ADRA1A: variants seen among roughly 807,000 people sequenced by gnomAD.
The protein encoded by ADRA1A is alpha-1A adrenergic receptor.
ADRA1A carries 31 observed loss-of-function variants against 29.6 expected under a neutral mutation model. The ratio of observed to expected loss-of-function variants is 1.05; its 90% CI spans 0.79 to 1.41. ADRA1A has a LOEUF of 1.41. ADRA1A is among the 40% of genes most tolerant of loss of function. The pLI is 0.00. For synonymous variants in ADRA1A, 311 were observed against 254.3 expected (o/e 1.22, Z -2.12); for missense variants, 619 against 601.1 (o/e 1.03, Z -0.31).
chr8:26,830,902 G>C (rs1187660521), intron 2 of ADRA1A, among the ~76,000 whole-genome samples: 1 of 152,168 alleles, frequency 6.6e-6, no homozygotes, highest in Non-Finnish European at 1.5e-5. Context: ...GGGCGGGAGG[G>C]AGTCTTTCTC....
chr8:26,807,645 G>A (rs899479553), intron 2 of ADRA1A, among the ~76,000 whole-genome samples: 1 of 152,184 alleles, frequency 6.6e-6, no homozygotes, highest in African/African-American at 2.4e-5. Flanking sequence ...ATAAAAGAAT[G>A]AGTGAAGATT....
At chr8:26,816,628 A>C (rs764741028) in intron 2 of ADRA1A, among the ~76,000 whole-genome samples, 4 of 151,926 alleles carry the variant, frequency 2.6e-5, no homozygotes, top group African/African-American at 7.3e-5. Flanking sequence ...GGCAGCCTGC[A>C]TGGCACCCAG....
intron 2 of ADRA1A, among the ~76,000 whole-genome samples, chr8:26,792,163 G>A (rs1250296540): frequency 3.3e-5 from 5 of 152,048 alleles, no homozygotes; most frequent in Non-Finnish European, 7.4e-5. Context: ...TTTGAATCTT[G>A]CTTTAATCAT....
At chr8:26,754,968 T>C (rs7007755), downstream of ADRA1A, among the ~76,000 whole-genome samples, 5,353 of 152,290 alleles carry the variant, frequency 0.035, 319 homozygotes, top group African/African-American at 0.12. Context: ...TTATTTTCTG[T>C]TTTTTCTTTT....
chr8:26,754,677 T>C (rs1805073130), downstream of ADRA1A, among the ~76,000 whole-genome samples: 1 of 152,106 alleles, frequency 6.6e-6, no homozygotes, highest in Non-Finnish European at 1.5e-5. Context: ...TTAAATGGCG[T>C]CAGCTTTATT....
In ADRA1A at chr8:26,770,430, T is replaced by C. The variant is rs536980137; in HGVS notation, c.1120A>G (p.Met374Val). ...CTTGATCCCACGGGGATGCGCACCA[T>C]GTCCTTGTGTTGCCCTTCCACGGCC... Reference protein sequence around the residue: ...SQAVEGQHKDMVRIPVGSRET... With the variant: ...SQAVEGQHKDVVRIPVGSRET... The change falls in exon 3 of 3, where the codon ATG becomes GTG. Residue 374 changes from methionine to valine, a missense_variant. Transcript: ENST00000380573. The C allele has an allele frequency of 2.2e-5, 36 of 1,614,100 alleles. No individual in the cohort carries two copies. Among genetic ancestry groups the C allele is most frequent in the Admixed American group, 3.3e-5 (2 of 60,006 alleles).
In ADRA1A at chr8:26,859,238, C is replaced by A. The variant is rs865946431; in HGVS notation, c.883+4849G>T. The A allele has an allele frequency of 2.1e-5, 26 of 1,212,974 alleles. No individual in the cohort carries two copies. In the African/African-American group the frequency reaches 3.3e-4, roughly 15 times the overall value. The allele number at this position is 1,212,974 out of a possible 1,614,324, so 75.1% of individuals were successfully genotyped here. The stretch of plus-strand genomic sequence containing the variant: ...ATAATAATATGATAGTATATTTATT[C>A]TTCTGCTCACATTTTGCATGAAAAA... On this transcript the variant is annotated intron_variant, in intron 2 of 2. Coordinates refer to ENST00000380573, the MANE Select transcript of ADRA1A (RefSeq NM_000680.4).
In ADRA1A at chr8:26,864,456, C is replaced by T. The variant is rs1250025758; in HGVS notation, c.514G>A (p.Asp172Asn). 6.2e-7 allele frequency: 1 copy of T among 1,613,406 alleles called. No homozygotes were observed. The highest frequency in any genetic ancestry group is 1.3e-5 in the African/African-American group (1 of 74,926). The part of the protein sequence containing the change: ...LFGWRQPAPE[D>N]ETICQINEEP... ...TCGTTGATCTGGCAGATGGTCTCGT[C>T]CTCGGGGGCCGGCTGCCTCCAGCCG... The change falls in exon 2 of 3, where the codon GAC (aspartate) becomes AAC (asparagine). Residue 172 changes from aspartate (D) to asparagine (N), a missense_variant. By Grantham distance (23) the Asp-to-Asn change is conservative (BLOSUM62 1). Transcript: ENST00000380573. This position sits in a 1 kb window ranked among gnomAD's most constrained non-coding sequence, Gnocchi z 8.1.
intron 2 of ADRA1A, among the ~76,000 whole-genome samples, chr8:26,862,651 A>G (rs560593124): frequency 3.2e-4 from 49 of 152,312 alleles, no homozygotes; most frequent in African/African-American, 1.1e-3. Context: ...AATGATGGGC[A>G]GGCACAATGG....
exon 3 of ADRA1A, chr8:26,748,440 T>TAA (rs34923219): frequency 1.3e-4 from 22 of 171,474 alleles, no homozygotes; most frequent in Middle Eastern, 2.5e-3. Flanking sequence ...TTAAAAAAGA[T>TAA]AAAAAAAAAA....
At chr8:26,801,080 C>T (rs34303735) in intron 2 of ADRA1A, among the ~76,000 whole-genome samples, 13,192 of 152,094 alleles carry the variant, frequency 0.087, 902 homozygotes, top group East Asian at 0.33. Context: ...TTCAACATCG[C>T]TTCATGATAA....
At chr8:26,851,561 T>C (rs1276383680) in intron 2 of ADRA1A, among the ~76,000 whole-genome samples, 4 of 152,174 alleles carry the variant, frequency 2.6e-5, no homozygotes, top group Non-Finnish European at 5.9e-5. Flanking sequence ...AGAAATCCAT[T>C]TGATGTGAAG....
At chr8:26,833,305 G>A (rs554908250) in intron 2 of ADRA1A, among the ~76,000 whole-genome samples, 16 of 152,102 alleles carry the variant, frequency 1.1e-4, no homozygotes, top group Non-Finnish European at 2.2e-4. Context: ...GCCCCCCATC[G>A]TCTTAGCTCC....
In ADRA1A at chr8:26,805,796, A is replaced by T. The variant is rs1224411292; in HGVS notation, c.884-35130T>A. ...TTACTGGAACTTCAGTAAGCTCATTACTTGAACACATTTATTTTTAACCAT... is the reference window on the plus strand; with the variant it reads ...TTACTGGAACTTCAGTAAGCTCATTTCTTGAACACATTTATTTTTAACCAT... On this transcript the variant is annotated intron_variant, in intron 2 of 2. Transcript: ENST00000380573. This position sits in a 1 kb window ranked among gnomAD's most constrained non-coding sequence, Gnocchi z 4.8. 6.6e-6 allele frequency among the ~76,000 whole-genome samples: 1 copy of T among 152,164 alleles called. No homozygotes were observed. The highest frequency in any genetic ancestry group is 1.5e-5 in the Non-Finnish European group (1 of 68,010).
chr8:26,790,247 T>C (rs950523452), intron 2 of ADRA1A, among the ~76,000 whole-genome samples: 1 of 152,188 alleles, frequency 6.6e-6, no homozygotes, highest in African/African-American at 2.4e-5. Context: ...AAATGTGGTA[T>C]ATATACACAA....
In ADRA1A at chr8:26,864,093, G is replaced by A. The variant is rs148938279; in HGVS notation, c.877C>T (p.Pro293Ser). ...LCWLPFFLVM[P>S]IGSFFPDFKP... ...AGGGGTGTTCAAGACTTACCAATGG[G>A]CATGACTAAGAAAAAAGGCAGCCAG... Residue 293 changes from proline (P) to serine (S), a missense_variant, in exon 2 of 3, where the codon CCC (proline) becomes TCC (serine). By Grantham distance (74) the Pro-to-Ser change is moderately conservative. Transcript: ENST00000380573. This position sits in a 1 kb window ranked among gnomAD's most constrained non-coding sequence, Gnocchi z 8.1. The A allele has an allele frequency of 1.0e-4, 165 of 1,612,752 alleles. No homozygotes were observed. In the Middle Eastern group the frequency reaches 1.8e-3, roughly 18 times the overall value.
At chr8:26,817,638 C>A (rs1161143041) in intron 2 of ADRA1A, among the ~76,000 whole-genome samples, 1 of 152,058 alleles carries the variant, frequency 6.6e-6, no homozygotes, top group East Asian at 1.9e-4. Flanking sequence ...ATTAGCTGGG[C>A]ATGGTGGCAG....
At chr8:26,804,094 A>C (rs865803873) in intron 2 of ADRA1A, among the ~76,000 whole-genome samples, 1 of 151,658 alleles carries the variant, frequency 6.6e-6, no homozygotes, top group Non-Finnish European at 1.5e-5. Context: ...GTTAATTTTT[A>C]AATTTTTTTT....
intron 2 of ADRA1A, chr8:26,835,682 A>G (rs1811298533): frequency 6.6e-6 from 1 of 152,200 alleles, no homozygotes; most frequent in Non-Finnish European, 1.5e-5. Flanking sequence ...CTACAATTCA[A>G]GGTGAGATTT....
Sources: allele counts gnomAD v4.1 joint callset (sites outside exome capture counted in the v4.1 genomes callset), GRCh38; gene constraint gnomAD v4.1.1; non-coding constraint Gnocchi (gnomAD v3.1); transcripts MANE v1.5; gene names NCBI Gene and HGNC (gene_info 2026-07-23, HGNC 2026-07-21).